The following TNIK variants were observed in gnomAD, a reference collection of about 807,000 sequenced individuals.
TNIK encodes TRAF2 and NCK interacting kinase.
Under a neutral mutation model 191.3 loss-of-function variants are expected in TNIK, and 49 were observed. That is an observed-to-expected ratio of 0.26 (90% confidence interval 0.20 to 0.32). The LOEUF is 0.32. TNIK is among the 10% of genes least tolerant of loss of function. The probability of loss-of-function intolerance (pLI) is 1.00; values close to 1 mark genes in which losing one functional copy is unlikely to be tolerated. For synonymous variants in TNIK, 594 were observed against 600.9 expected (o/e 0.99, Z 0.17); for missense variants, 1,155 against 1,702.3 (o/e 0.68, Z 5.66).
chr3:171,458,078 G>A (rs1274899499), intron 1 of TNIK, among the ~76,000 whole-genome samples: 2 of 152,084 alleles, frequency 1.3e-5, no homozygotes, highest in African/African-American at 4.8e-5. Flanking sequence ...GAGCAAGGTC[G>A]AGATTCCGGC....
At chr3:171,235,317 C>T (rs1415453958) in intron 2 of TNIK, among the ~76,000 whole-genome samples, 2 of 152,188 alleles carry the variant, frequency 1.3e-5, no homozygotes, top group East Asian at 3.9e-4. Context: ...GCTGGGATTA[C>T]AGGCATGAGT....
At chr3:171,216,379 A>C (rs989832133) in intron 3 of TNIK, among the ~76,000 whole-genome samples, 1 of 152,224 alleles carries the variant, frequency 6.6e-6, no homozygotes, top group African/African-American at 2.4e-5. Flanking sequence ...GTGAATACAA[A>C]ATTAGAAAGA....
At chr3:171,430,895 T>C (rs1160062911) in intron 1 of TNIK, among the ~76,000 whole-genome samples, 3 of 152,114 alleles carry the variant, frequency 2.0e-5, no homozygotes, top group East Asian at 3.9e-4. Flanking sequence ...AGAAGATAGC[T>C]AAATAAAAAT....
chr3:171,346,169 G>C (rs1712149909), intron 2 of TNIK, among the ~76,000 whole-genome samples: 1 of 152,090 alleles, frequency 6.6e-6, no homozygotes, highest in African/African-American at 2.4e-5. Context: ...GCAGGAAGAA[G>C]GGCACTGCAG....
At chr3:171,299,562 C>A (rs1235122090) in intron 2 of TNIK, among the ~76,000 whole-genome samples, 1 of 152,142 alleles carries the variant, frequency 6.6e-6, no homozygotes, top group East Asian at 1.9e-4. Flanking sequence ...TGTTGCTCAG[C>A]CTCAGCTTAG....
chr3:171,101,610 T>G lies in TNIK; in HGVS notation c.2430A>C (p.Glu810Asp). 6.2e-7 allele frequency: 1 copy of G among 1,613,314 alleles called. No individual in the cohort carries two copies. Among genetic ancestry groups the G allele is most frequent in the Non-Finnish European group, 8.5e-7 (1 of 1,179,448 alleles). The change falls in exon 22 of 33, where the codon GAA becomes GAC. Residue 810 changes from glutamate to aspartate, a missense_variant. By Grantham distance (45) the Glu-to-Asp change is conservative (BLOSUM62 2). This residue lies in a region of TNIK where 735 missense variants were observed against 848.0 expected (regional missense o/e 0.87). Transcript: ENST00000436636. The stretch of plus-strand genomic sequence containing the variant: ...TTTCTTCAATCCGGAGTTCTCTTAG[T>G]TCTTTGGCTAATGCCGTCAGATCCT... ...IDEDLTALAKELRELRIEETN... is the reference protein window; with the variant it reads ...IDEDLTALAKDLRELRIEETN...
chr3:171,262,197 A>C (rs563785673), intron 2 of TNIK, among the ~76,000 whole-genome samples: 13 of 152,144 alleles, frequency 8.5e-5, no homozygotes, highest in African/African-American at 3.1e-4. Flanking sequence ...TGTTTAGAAA[A>C]ACTGTCTGCT....
At chr3:171,077,081 C>CT (rs397708757) in intron 28 of TNIK, among the ~76,000 whole-genome samples, 17 of 141,896 alleles carry the variant, frequency 1.2e-4, no homozygotes, top group South Asian at 5.1e-4. Flanking sequence ...TCCCCCCCCC[C>CT]TTTTTTTTTA....
At chr3:171,202,645 A>G (rs1418782858) in intron 4 of TNIK, among the ~76,000 whole-genome samples, 1 of 152,226 alleles carries the variant, frequency 6.6e-6, no homozygotes. Context: ...TCAATTGCAC[A>G]TTCTTATCAA....
At chr3:171,283,503 AGAG>A (rs1466546966) in intron 2 of TNIK, among the ~76,000 whole-genome samples, 1 of 152,182 alleles carries the variant, frequency 6.6e-6, no homozygotes, top group African/African-American at 2.4e-5. Context: ...ACCAAGGAGC[AGAG>A]GAGTTCGGTC....
intron 28 of TNIK, among the ~76,000 whole-genome samples, chr3:171,071,697 A>G (rs946802670): frequency 6.6e-6 from 1 of 152,124 alleles, no homozygotes; most frequent in Admixed American, 6.6e-5. Flanking sequence ...AGTAGCTGAG[A>G]GCAGATATGG....
chr3:171,379,252 A>G (rs1278660206), intron 1 of TNIK, among the ~76,000 whole-genome samples: 1 of 152,242 alleles, frequency 6.6e-6, no homozygotes, highest in Non-Finnish European at 1.5e-5. Context: ...ATTTCCTTAC[A>G]GATGAAAACA....
Position 171,373,982 on chromosome 3 carries a change from C to T in TNIK, c.58-4297G>A, listed in dbSNP as rs542859599. Among the ~76,000 whole-genome samples the T allele has an allele frequency of 2.0e-5, 3 of 152,280 alleles. No homozygotes were observed. In the South Asian group the frequency reaches 6.2e-4, roughly 32 times the overall value. The stretch of plus-strand genomic sequence containing the variant: ...TCTCTCCCTTGATGAATTACAAATG[C>T]CTCAAGAGCAAGCACTGTAACATAT... On this transcript the variant is annotated intron_variant, in intron 1 of 32. Transcript: ENST00000436636.
At chr3:171,258,955 G>A (rs1045513526) in intron 2 of TNIK, among the ~76,000 whole-genome samples, 4 of 152,024 alleles carry the variant, frequency 2.6e-5, no homozygotes, top group Admixed American at 2.0e-4. Flanking sequence ...GCACACACAC[G>A]CAAACACGCC....
At chr3:171,155,722 G>C (rs1441017312) in intron 12 of TNIK, among the ~76,000 whole-genome samples, 9 of 152,224 alleles carry the variant, frequency 5.9e-5, no homozygotes, top group Admixed American at 5.9e-4. Flanking sequence ...GCGAGCATCT[G>C]TTGGCCACAG....
At chr3:171,274,132 G>C (rs1449862404) in intron 2 of TNIK, among the ~76,000 whole-genome samples, 3 of 152,190 alleles carry the variant, frequency 2.0e-5, no homozygotes, top group African/African-American at 7.2e-5. Flanking sequence ...TATCCCAGAG[G>C]AAGACCAACC....
At chr3:171,111,576 T>C (rs1379919516) in intron 18 of TNIK, among the ~76,000 whole-genome samples, 1 of 152,160 alleles carries the variant, frequency 6.6e-6, no homozygotes, top group Non-Finnish European at 1.5e-5. Flanking sequence ...TGTAAAATAG[T>C]ACAGCCAGTA....
At chr3:171,457,228 G>A (rs1290364652) in intron 1 of TNIK, among the ~76,000 whole-genome samples, 1 of 152,148 alleles carries the variant, frequency 6.6e-6, no homozygotes, top group African/African-American at 2.4e-5. Flanking sequence ...TGGTTGCTCT[G>A]GTTTAAATTA....
rs532347453 is a variant in TNIK at position 171,351,250 on chromosome 3, A to AAT, written c.123+18368_123+18369dup. Among the ~76,000 whole-genome samples the AAT allele has an allele frequency of 4.8e-3, 447 of 94,048 alleles. 1 individual carries two copies. The highest frequency in any genetic ancestry group is 0.017 in the South Asian group (41 of 2,466). The allele number at this position is 94,048 out of a possible 152,430, so 61.7% of individuals were successfully genotyped here. On this transcript the variant is annotated intron_variant, in intron 2 of 32. Transcript: ENST00000436636. ...TACTTTCCCCAACAACCATAGAGAA[A>AAT]ATATATATATATATGTATATATGTG...
Sources: gnomAD v4.1 joint callset for allele counts (sites outside exome capture counted in the v4.1 genomes callset) on GRCh38, gnomAD v4.1.1 for gene constraint, gnomAD v4.1.1 regional missense constraint, MANE v1.5 for transcripts, NCBI Gene and HGNC (gene_info 2026-07-23, HGNC 2026-07-21) for gene names.